MAF: variants seen among roughly 807,000 people sequenced by gnomAD.
MAF encodes the protein MAF bZIP transcription factor.
Under a neutral mutation model 22.0 loss-of-function variants are expected in MAF, and 10 were observed. That is an observed-to-expected ratio of 0.45 (90% CI 0.28 to 0.77). The LOEUF (loss-of-function observed/expected upper bound fraction) is 0.77. Ranked by LOEUF, MAF falls within the 30% of genes least tolerant of loss-of-function variation. The pLI is 0.12. For missense variants in MAF, 544 were observed against 548.4 expected (o/e 0.99, Z 0.08); for synonymous variants, 337 against 255.8 (o/e 1.32, Z -3.03).
chr16:79,436,782 A>T, the MAF span, among the ~76,000 whole-genome samples: 26 of 152,148 alleles, frequency 1.7e-4, no homozygotes, highest in Non-Finnish European at 1.5e-5. Context: ...TCTTGGAAAC[A>T]TGAGCTGGGT....
At chr16:79,582,863 C>A (rs1011210800), downstream of MAF, among the ~76,000 whole-genome samples, 1 of 152,070 alleles carries the variant, frequency 6.6e-6, no homozygotes, top group Non-Finnish European at 1.5e-5. Flanking sequence ...CTCTTAAAAC[C>A]GAATATTTAG....
chr16:79,256,760 T>G, the MAF span, among the ~76,000 whole-genome samples: 1 of 152,352 alleles, frequency 6.6e-6, no homozygotes, highest in South Asian at 2.1e-4. Flanking sequence ...GCAACCTGTC[T>G]TGCAGAAATT....
downstream of MAF, among the ~76,000 whole-genome samples, chr16:79,591,258 A>C (rs1328645541): frequency 6.6e-6 from 1 of 152,110 alleles, no homozygotes; most frequent in East Asian, 1.9e-4. Flanking sequence ...AGCTCACACC[A>C]AGGCCTGGGT....
chr16:79,425,050 A>G, the MAF span, among the ~76,000 whole-genome samples: 14 of 152,052 alleles, frequency 9.2e-5, no homozygotes, highest in Admixed American at 8.5e-4. Context: ...ACACAAACAT[A>G]CTCTACACAA....
chr16:79,567,138 C>T, the MAF span, among the ~76,000 whole-genome samples: 6 of 152,058 alleles, frequency 3.9e-5, no homozygotes, highest in Admixed American at 1.3e-4. Flanking sequence ...GCCAACATGG[C>T]GAAACCCTGT....
the MAF span, among the ~76,000 whole-genome samples, chr16:79,434,978 C>A: frequency 6.6e-6 from 1 of 152,090 alleles, no homozygotes; most frequent in Admixed American, 6.6e-5. Flanking sequence ...ATCACTTGGG[C>A]CCAGATCCGG....
chr16:79,344,178 T>C, the MAF span, among the ~76,000 whole-genome samples: 15 of 152,206 alleles, frequency 9.9e-5, no homozygotes, highest in African/African-American at 3.6e-4. Context: ...GGGATGAAAA[T>C]TGCATCTATA....
At chr16:79,303,756 T>C in the MAF span, among the ~76,000 whole-genome samples, 1 of 152,172 alleles carries the variant, frequency 6.6e-6, no homozygotes, top group Non-Finnish European at 1.5e-5. Flanking sequence ...ATATTACTTA[T>C]CTGCTGCCAC....
chr16:79,380,850 T>G, the MAF span, among the ~76,000 whole-genome samples: 1 of 152,218 alleles, frequency 6.6e-6, no homozygotes, highest in Non-Finnish European at 1.5e-5. Flanking sequence ...TCATTGTCTG[T>G]GGGGTGACCT....
At chr16:79,300,748 TTATTA>T in the MAF span, among the ~76,000 whole-genome samples, 1 of 152,026 alleles carries the variant, frequency 6.6e-6, no homozygotes, top group Non-Finnish European at 1.5e-5. Context: ...TATATACATT[TTATTA>T]TATGTTATCT....
At chr16:79,501,012 G>A in the MAF span, among the ~76,000 whole-genome samples, 1 of 152,182 alleles carries the variant, frequency 6.6e-6, no homozygotes, top group African/African-American at 2.4e-5. Context: ...CACCGCTAGT[G>A]CATTTGTTGC....
the MAF span, among the ~76,000 whole-genome samples, chr16:79,514,404 C>A: frequency 6.6e-6 from 1 of 152,138 alleles, no homozygotes; most frequent in Non-Finnish European, 1.5e-5. Flanking sequence ...AGCTTTCCTA[C>A]AAATAATATG....
chr16:79,463,762 C>T, the MAF span, among the ~76,000 whole-genome samples: 230 of 151,782 alleles, frequency 1.5e-3, no homozygotes, highest in African/African-American at 5.4e-3. Flanking sequence ...TTGTTTATAA[C>T]ATTTTAAAAA....
the MAF span, among the ~76,000 whole-genome samples, chr16:79,539,968 C>CA: frequency 1.3e-5 from 2 of 151,804 alleles, no homozygotes; most frequent in Admixed American, 1.3e-4. Context: ...ATTTCTGTAA[C>CA]AAAAAAATAT....
chr16:79,579,658 A>C, the MAF span, among the ~76,000 whole-genome samples: 2 of 152,228 alleles, frequency 1.3e-5, no homozygotes, highest in Non-Finnish European at 2.9e-5. Context: ...AAATAGTAAA[A>C]AGATGCATTC....
the MAF span, among the ~76,000 whole-genome samples, chr16:79,440,682 A>G: frequency 6.6e-6 from 1 of 152,228 alleles, no homozygotes; most frequent in Non-Finnish European, 1.5e-5. Flanking sequence ...AAGTGCTGGG[A>G]TTATAGGCAT....
At chr16:79,225,603 G>C in the MAF span, among the ~76,000 whole-genome samples, 1 of 152,020 alleles carries the variant, frequency 6.6e-6, no homozygotes, top group Non-Finnish European at 1.5e-5. Flanking sequence ...TACAGAATGG[G>C]AGAAAATTTT....
the MAF span, among the ~76,000 whole-genome samples, chr16:79,533,119 C>T: frequency 1.1e-4 from 16 of 152,270 alleles, no homozygotes; most frequent in East Asian, 2.9e-3. Context: ...TCACTGGCCT[C>T]TTTAAATAAA....
chr16:79,405,788 A>G, the MAF span, among the ~76,000 whole-genome samples: 192 of 152,330 alleles, frequency 1.3e-3, no homozygotes, highest in African/African-American at 4.5e-3. Context: ...AAAACAGTGC[A>G]AAGAGAGGTA....
Sources: gnomAD v4.1 joint callset for allele counts (sites outside exome capture counted in the v4.1 genomes callset) on GRCh38, gnomAD v4.1.1 for gene constraint, MANE v1.5 for transcripts, NCBI Gene and HGNC (gene_info 2026-07-23, HGNC 2026-07-21) for gene names.